ADGRG5: variants seen among roughly 807,000 people sequenced by gnomAD.
ADGRG5 encodes adhesion G protein-coupled receptor G5.
A neutral mutation model predicts 53.2 loss-of-function variants in ADGRG5; 37 were observed. That is an observed-to-expected ratio of 0.70 (90% CI 0.53 to 0.91). ADGRG5 has a LOEUF of 0.91. Ranked by LOEUF, ADGRG5 falls within the 40% of genes least tolerant of loss-of-function variation. The pLI is 0.00. For synonymous variants in ADGRG5, 277 were observed against 290.4 expected, an observed-to-expected ratio of 0.95 and a Z score of 0.47; for missense variants, 614 against 675.8, an observed-to-expected ratio of 0.91 and a Z score of 1.01.
chr16:57,570,623 C>A, intron 10 of ADGRG5, 88 bp downstream of exon 10: 1 of 955,574 alleles, frequency 1.0e-6, no homozygotes, highest in Non-Finnish European at 1.7e-6. Context: ...ATCCTGTAGG[C>A]AAAGCACTGG....
intron 11 of ADGRG5, 116 bp downstream of exon 11, chr16:57,575,208 C>A: frequency 8.4e-7 from 1 of 1,192,772 alleles, no homozygotes. Context: ...AACATCCAGC[C>A]CACAGCTCCA....
chr16:57,563,310 T>A, intron 4 of ADGRG5, 63 bp downstream of exon 4: 3 of 1,440,860 alleles, frequency 2.1e-6, no homozygotes, highest in South Asian at 1.1e-5. Context: ...TCCAGGCATT[T>A]AAGGTCTGGA....
chr16:57,554,764 A>G (rs988414852), intron 1 of ADGRG5, among the ~76,000 whole-genome samples: 1 of 152,162 alleles, frequency 6.6e-6, no homozygotes, highest in Non-Finnish European at 1.5e-5. Context: ...AGCATAGATC[A>G]CTGACTTGAA....
In ADGRG5 at chr16:57,568,009, G is replaced by A. The variant is rs2033191869; in HGVS notation, c.975G>A (p.Leu325=). 1.9e-6 allele frequency: 3 copies of A among 1,613,928 alleles called. No individual in the cohort carries two copies. Among genetic ancestry groups the A allele is most frequent in the African/African-American group, 2.7e-5 (2 of 74,906 alleles). Residue 325 remains leucine, a synonymous_variant, in exon 9 of 12, where the codon CTG becomes CTA. Transcript: ENST00000349457. ...TGGCCGCTGCCCTGCACTACGCGCT[G>A]CTCAGCTGCCTCACCTGGATGGCCA... ...TALAAALHYA[L]LSCLTWMAIE...
At chr16:57,566,478 C>A in intron 6 of ADGRG5, 121 bp from the exon 7 acceptor site, 5 of 875,422 alleles carry the variant, frequency 5.7e-6, no homozygotes, top group Non-Finnish European at 8.1e-6. Flanking sequence ...CAAAGGCCAG[C>A]CAGTGCCTGG....
At chr16:57,539,665 C>G (rs1254099739), upstream of ADGRG5, among the ~76,000 whole-genome samples, 1 of 151,184 alleles carries the variant, frequency 6.6e-6, no homozygotes, top group African/African-American at 2.4e-5. Flanking sequence ...GTTTCCCAGG[C>G]TGGTCTCGAA....
At chr16:57,559,744 TAA>T (rs77775175) in intron 1 of ADGRG5, among the ~76,000 whole-genome samples, 1 of 142,348 alleles carries the variant, frequency 7.0e-6, no homozygotes. Context: ...TCCAGTAGGC[TAA>T]AAAAAAAAAA....
At chr16:57,566,873 CA>C (rs1187396947) in intron 7 of ADGRG5, 122 bp downstream of exon 7, 19 of 916,534 alleles carry the variant, frequency 2.1e-5, no homozygotes, top group South Asian at 2.6e-5. Context: ...AAGCAAAAAA[CA>C]AAAAAAACTT....
upstream of ADGRG5, among the ~76,000 whole-genome samples, chr16:57,541,097 C>T (rs1428488342): frequency 6.6e-6 from 1 of 152,136 alleles, no homozygotes; most frequent in Non-Finnish European, 1.5e-5. Flanking sequence ...AGCCTCACCA[C>T]TGGCTTTTGA....
Position 57,570,538 on chromosome 16 carries a change from G to T in ADGRG5, c.1208+3G>T. Reference sequence around the variant, plus strand: ...ACAGGCTTCCAGAACATGTCCATGTGAGTGCCCTCAGGGCTGCAGTGGGCT... The same window carrying T: ...ACAGGCTTCCAGAACATGTCCATGTTAGTGCCCTCAGGGCTGCAGTGGGCT... On this transcript the variant is annotated splice_donor_region_variant and intron_variant, in intron 10 of 11. Coordinates refer to ENST00000349457, the MANE Select transcript of ADGRG5 (RefSeq NM_001304376.3). 6.2e-7 allele frequency: 1 copy of T among 1,607,816 alleles called. No individual in the cohort carries two copies. The highest frequency in any genetic ancestry group is 1.1e-5 in the South Asian group (1 of 90,974).
intron 1 of ADGRG5, among the ~76,000 whole-genome samples, chr16:57,545,458 G>A (rs1018933537): frequency 6.6e-6 from 1 of 152,296 alleles, no homozygotes; most frequent in Admixed American, 6.5e-5. Flanking sequence ...AGGCTGAGGT[G>A]GGAGGATCGC....
At chr16:57,529,553 T>C in the ADGRG5 span, among the ~76,000 whole-genome samples, 1 of 152,132 alleles carries the variant, frequency 6.6e-6, no homozygotes, top group East Asian at 1.9e-4. This position sits in a 1 kb window ranked among gnomAD's most constrained non-coding sequence, Gnocchi z 4.1. Context: ...ATCTGAAACC[T>C]TGATCTGTTC....
intron 9 of ADGRG5, among the ~76,000 whole-genome samples, chr16:57,569,681 TCAC>T (rs1436521883): frequency 6.8e-6 from 1 of 146,240 alleles, no homozygotes; most frequent in Non-Finnish European, 1.5e-5. Flanking sequence ...TCCACCTCTG[TCAC>T]CACCATCATC....
chr16:57,567,531 T>C lies in ADGRG5; in HGVS notation c.761T>C (p.Val254Ala), dbSNP rs1014885144. 2 of 1,611,982 alleles carry C rather than the reference T, an allele frequency of 1.2e-6. No homozygotes were observed. The highest frequency in any genetic ancestry group is 1.3e-5 in the African/African-American group (1 of 75,024). Residue 254 changes from valine (V) to alanine (A), a missense_variant, in exon 8 of 12, where the codon GTG becomes GCG. Coordinates refer to ENST00000349457, the MANE Select transcript of ADGRG5 (RefSeq NM_001304376.3). ...GCACCTCTTACGTACATCTCCCTCG[T>C]GGGCTGCAGCATCTCCATCGTGGCC... ...LLAPLTYISL[V>A]GCSISIVASL...
At chr16:57,546,520 A>G (rs902643414) in intron 1 of ADGRG5, among the ~76,000 whole-genome samples, 1 of 152,256 alleles carries the variant, frequency 6.6e-6, no homozygotes, top group Non-Finnish European at 1.5e-5. Context: ...TTGTACATAT[A>G]TAAAACTATT....
chr16:57,539,954 C>T (rs1384367557), upstream of ADGRG5, among the ~76,000 whole-genome samples: 1 of 151,936 alleles, frequency 6.6e-6, no homozygotes, highest in Non-Finnish European at 1.5e-5. Context: ...AACAATTTAG[C>T]CCTCGGCGGG....
At position 57,567,709 on chromosome 16, in the gene ADGRG5, G is replaced by A. The variant is rs915528568; in HGVS notation, c.821+118G>A. 45 of 1,427,558 alleles carry A rather than the reference G, an allele frequency of 3.2e-5. 1 individual carries two copies. The East Asian group carries it at 4.0e-4, about 13-fold the overall frequency. The allele number at this position is 1,427,558 out of a possible 1,614,324, so 88.4% of individuals were successfully genotyped here. On this transcript the variant is annotated intron_variant, in intron 8 of 11. Coordinates refer to ENST00000349457, the MANE Select transcript of ADGRG5 (RefSeq NM_001304376.3). ...CTCCAGAGGGTGGGGACCAGGAGGC[G>A]GGAGACCAGCCTTGTGGTGCGACTG...
intron 1 of ADGRG5, among the ~76,000 whole-genome samples, chr16:57,549,919 A>G (rs1464520818): frequency 6.6e-6 from 1 of 152,086 alleles, no homozygotes; most frequent in Non-Finnish European, 1.5e-5. Context: ...TGTGGTTTTT[A>G]TATGCATTTC....
intron 1 of ADGRG5, among the ~76,000 whole-genome samples, chr16:57,545,681 C>T (rs74822877): frequency 0.017 from 2,648 of 152,302 alleles, 74 homozygotes; most frequent in African/African-American, 0.061. Context: ...ACTTTTTCAT[C>T]TGCATATTCT....
Sources: gnomAD v4.1 joint callset for allele counts (sites outside exome capture counted in the v4.1 genomes callset) on GRCh38, gnomAD v4.1.1 for gene constraint, Gnocchi (gnomAD v3.1) non-coding constraint, MANE v1.5 for transcripts, NCBI Gene and HGNC (gene_info 2026-07-23, HGNC 2026-07-21) for gene names.